The following MCC variants were observed in gnomAD, a reference collection of about 807,000 sequenced individuals.
MCC encodes the protein colorectal mutant cancer protein.
Under a neutral mutation model 116.2 loss-of-function variants are expected in MCC, and 90 were observed. That is an observed-to-expected ratio of 0.77 (90% CI 0.65 to 0.92). The LOEUF is 0.92. MCC is among the 40% of genes least tolerant of loss of function. The pLI, the probability that MCC is intolerant of heterozygous loss-of-function variation, is 0.00. For synonymous variants in MCC, 578 were observed against 510.5 expected, an observed-to-expected ratio of 1.13 and a Z score of -1.78; for missense variants, 1,516 against 1,312.2, an observed-to-expected ratio of 1.16 and a Z score of -2.40.
At chr5:113,424,321 A>G (rs941722283) in intron 1 of MCC, among the ~76,000 whole-genome samples, 3 of 152,228 alleles carry the variant, frequency 2.0e-5, no homozygotes, top group African/African-American at 7.2e-5. Flanking sequence ...GGAAACAGAA[A>G]TAATGCTGGA....
chr5:113,230,600 G>C (rs1019651296), intron 3 of MCC, among the ~76,000 whole-genome samples: 6 of 152,130 alleles, frequency 3.9e-5, no homozygotes, highest in African/African-American at 1.4e-4. Flanking sequence ...CAAGAATTAA[G>C]GATCTAGTCC....
chr5:113,023,258 T>G lies in MCC; in HGVS notation c.*4044A>C, dbSNP rs1279444458. ...AGATTTGTAGGATGTGGATAAACTTTAAGAACTGGATAGTGAAGGCGTAAC... is the reference window on the plus strand; with the variant it reads ...AGATTTGTAGGATGTGGATAAACTTGAAGAACTGGATAGTGAAGGCGTAAC... On this transcript the variant is annotated 3_prime_UTR_variant, in exon 19 of 19. Coordinates refer to ENST00000408903, the MANE Select transcript of MCC (RefSeq NM_001085377.2). 1.3e-5 allele frequency: 2 copies of G among 152,260 alleles called. No individual in the cohort carries two copies. Among genetic ancestry groups the G allele is most frequent in the African/African-American group, 4.8e-5 (2 of 41,472 alleles). The allele number at this position is 152,260 out of a possible 1,614,324, so 9.4% of individuals were successfully genotyped here. A position where few individuals can be genotyped will look rare whatever the true frequency, so the allele number is the denominator to read the frequency against.
chr5:113,151,236 C>G, intron 4 of MCC, 73 bp downstream of exon 4: 5 of 871,268 alleles, frequency 5.7e-6, no homozygotes, highest in Non-Finnish European at 9.1e-6. Flanking sequence ...TTTCTGTACT[C>G]ATGTTTTATC....
At chr5:113,170,895 C>T (rs1338647209) in intron 3 of MCC, among the ~76,000 whole-genome samples, 2 of 152,020 alleles carry the variant, frequency 1.3e-5, no homozygotes, top group African/African-American at 4.8e-5. Flanking sequence ...GCTGGCAATA[C>T]CTTTAAGCTG....
At chr5:113,294,892 A>T in intron 3 of MCC, 1 of 985,562 alleles carries the variant, frequency 1.0e-6, no homozygotes, top group Non-Finnish European at 1.2e-6. Flanking sequence ...GCCGGAGCGG[A>T]GCTGCACTTC....
intron 5 of MCC, among the ~76,000 whole-genome samples, chr5:113,138,669 T>G (rs1359614955): frequency 1.3e-5 from 2 of 152,236 alleles, no homozygotes; most frequent in African/African-American, 4.8e-5. Flanking sequence ...CTGACTGATA[T>G]GCCTTCCTAA....
intron 3 of MCC, among the ~76,000 whole-genome samples, chr5:113,191,866 T>C (rs1762166817): frequency 6.6e-6 from 1 of 152,218 alleles, no homozygotes. Context: ...CTCTCTTCTA[T>C]GGGACAATGT....
intron 15 of MCC, among the ~76,000 whole-genome samples, chr5:113,050,103 C>G (rs1007163792): frequency 6.6e-6 from 1 of 152,228 alleles, no homozygotes; most frequent in African/African-American, 2.4e-5. Flanking sequence ...TCTTCCCAAC[C>G]TGGGTTAGGT....
intron 3 of MCC, among the ~76,000 whole-genome samples, chr5:113,309,249 A>G (rs1195097539): frequency 6.6e-6 from 1 of 152,170 alleles, no homozygotes; most frequent in Non-Finnish European, 1.5e-5. Flanking sequence ...ACATCGATAA[A>G]CTGTATAATG....
chr5:113,105,829 C>G (rs1756697295), intron 6 of MCC, among the ~76,000 whole-genome samples: 1 of 152,188 alleles, frequency 6.6e-6, no homozygotes, highest in South Asian at 2.1e-4. Context: ...TTCAAACTGT[C>G]TAATGGCTTC....
At chr5:113,142,355 G>A (rs186777048) in intron 5 of MCC, among the ~76,000 whole-genome samples, 2 of 151,850 alleles carry the variant, frequency 1.3e-5, no homozygotes, top group African/African-American at 4.8e-5. Flanking sequence ...CCGGAGCATC[G>A]CCAGGAACAT....
intron 15 of MCC, among the ~76,000 whole-genome samples, chr5:113,051,859 G>T (rs4301226): frequency 6.6e-6 from 1 of 151,918 alleles, no homozygotes; most frequent in Non-Finnish European, 1.5e-5. Flanking sequence ...CCTAGAAACT[G>T]GTGAAAATCC....
chr5:113,386,350 G>C (rs758948398), intron 1 of MCC, among the ~76,000 whole-genome samples: 25 of 152,042 alleles, frequency 1.6e-4, no homozygotes, highest in Non-Finnish European at 2.6e-4. Flanking sequence ...CTATCTCCTG[G>C]TCAATGTCAC....
At chr5:113,364,473 GCACT>G (rs751405999) in intron 2 of MCC, among the ~76,000 whole-genome samples, 2 of 152,170 alleles carry the variant, frequency 1.3e-5, no homozygotes, top group Non-Finnish European at 2.9e-5. Context: ...TCATGGGCTG[GCACT>G]AAGTGCCGAT....
chr5:113,196,477 T>C (rs575291249), intron 3 of MCC, among the ~76,000 whole-genome samples: 1 of 152,362 alleles, frequency 6.6e-6, no homozygotes, highest in East Asian at 1.9e-4. Context: ...CTAGATACTA[T>C]GATTTTGTAA....
intron 15 of MCC, 69 bp from the exon 16 acceptor site, chr5:113,049,368 TG>T: frequency 1.5e-6 from 2 of 1,351,668 alleles, no homozygotes; most frequent in Non-Finnish European, 2.0e-6. Context: ...TGCTGCCAAG[TG>T]GGTGGGTGGG....
intron 3 of MCC, among the ~76,000 whole-genome samples, chr5:113,276,838 G>T (rs1468583697): frequency 6.9e-6 from 1 of 143,922 alleles, no homozygotes; most frequent in African/African-American, 2.6e-5. Context: ...ATGGTCTCAC[G>T]GTGTTACCGA....
chr5:113,085,022 T>C, intron 9 of MCC, 142 bp downstream of exon 9: 3 of 1,093,452 alleles, frequency 2.7e-6, no homozygotes, highest in Non-Finnish European at 2.7e-6. Flanking sequence ...AGCTCCTGCA[T>C]AGAAGGCCTG....
chr5:113,420,022 TAATAA>T (rs1406574605), intron 1 of MCC, among the ~76,000 whole-genome samples: 1 of 146,820 alleles, frequency 6.8e-6, no homozygotes, highest in Non-Finnish European at 1.5e-5. Flanking sequence ...AAAAGTATAA[TAATAA>T]AATAAAATAA....
Sources: allele counts gnomAD v4.1 joint callset (sites outside exome capture counted in the v4.1 genomes callset), GRCh38; gene constraint gnomAD v4.1.1; transcripts MANE v1.5; gene names NCBI Gene and HGNC (gene_info 2026-07-23, HGNC 2026-07-21).